The following SYN3 variants were observed in gnomAD, a reference collection of about 807,000 sequenced individuals.
The protein encoded by SYN3 is synapsin III, also known as synapsin-3.
A neutral mutation model predicts 65.8 loss-of-function variants in SYN3; 35 were observed. That is an observed-to-expected ratio of 0.53 (90% CI 0.41 to 0.70). The LOEUF is 0.70. SYN3 is among the 30% of genes least tolerant of loss of function. SYN3 has a pLI of 0.00. For missense variants in SYN3, 680 were observed against 749.0 expected, an observed-to-expected ratio of 0.91 and a Z score of 1.08; for synonymous variants, 270 against 292.9, an observed-to-expected ratio of 0.92 and a Z score of 0.80.
intron 6 of SYN3, among the ~76,000 whole-genome samples, chr22:32,835,542 G>A (rs991837407): frequency 2.0e-5 from 3 of 152,162 alleles, no homozygotes; most frequent in African/African-American, 7.2e-5. Flanking sequence ...ATGAGTGGCA[G>A]TTGATGGGTA....
At chr22:32,981,209 T>C (rs888607561) in intron 2 of SYN3, among the ~76,000 whole-genome samples, 1 of 151,710 alleles carries the variant, frequency 6.6e-6, no homozygotes, top group Non-Finnish European at 1.5e-5. Flanking sequence ...GTGGATAAGA[T>C]TGGAGGCTCA....
intron 1 of SYN3, among the ~76,000 whole-genome samples, chr22:33,036,369 AG>A (rs1035090625): frequency 9.9e-5 from 15 of 152,174 alleles, no homozygotes; most frequent in Non-Finnish European, 1.9e-4. Context: ...TTTGAGCTGA[AG>A]GCAGTTGAGA....
At chr22:33,053,180 T>C (rs959210664) in intron 1 of SYN3, among the ~76,000 whole-genome samples, 1 of 152,194 alleles carries the variant, frequency 6.6e-6, no homozygotes, top group Non-Finnish European at 1.5e-5. Flanking sequence ...CCCAACACTT[T>C]GGGAGGCCGA....
intron 10 of SYN3, among the ~76,000 whole-genome samples, chr22:32,529,597 C>G (rs775608807): frequency 6.6e-6 from 1 of 152,174 alleles, no homozygotes; most frequent in African/African-American, 2.4e-5. Context: ...CTGAGGGATC[C>G]GAGTTTCCCC....
chr22:32,576,327 C>T lies in SYN3; in HGVS notation c.774+20347G>A, dbSNP rs577229852. Among the ~76,000 whole-genome samples the T allele has an allele frequency of 1.5e-4, 23 of 152,288 alleles. No individual in the cohort carries two copies. The South Asian group carries it at 4.4e-3, about 29-fold the overall frequency. ...TGCACACCATAATGGATGTAATTCA[C>T]CATTCTTCCCACTGGCTTCGCTTGT... is the stretch of plus-strand genomic sequence containing the variant. On this transcript the variant is annotated intron_variant, in intron 7 of 13. Transcript: ENST00000358763.
chr22:32,590,308 T>C (rs909614332), intron 7 of SYN3, among the ~76,000 whole-genome samples: 1 of 152,240 alleles, frequency 6.6e-6, no homozygotes, highest in Admixed American at 6.5e-5. Context: ...AAATAGGCAA[T>C]CTTTTGTTTC....
chr22:32,973,700 G>A (rs2052093782), intron 3 of SYN3, among the ~76,000 whole-genome samples: 1 of 152,148 alleles, frequency 6.6e-6, no homozygotes, highest in South Asian at 2.1e-4. Context: ...CAGAAACCTG[G>A]GTTCAGATTC....
At chr22:32,637,938 A>G (rs981879764) in intron 6 of SYN3, among the ~76,000 whole-genome samples, 1 of 152,092 alleles carries the variant, frequency 6.6e-6, no homozygotes, top group Non-Finnish European at 1.5e-5. Context: ...CGCGCCCAGC[A>G]ACAGTTAGCT....
rs986246797 is a variant in SYN3, at chr22:32,511,628, A to G, written c.*2064T>C. ...GGTGGTGGGCTTTTTGGGCGCTAGA[A>G]AGAGTACCAGGCCTTCACCTCTTCA... On this transcript the variant is annotated 3_prime_UTR_variant, in exon 14 of 14. Transcript: ENST00000358763. 2.0e-5 allele frequency among the ~76,000 whole-genome samples: 3 copies of G among 152,196 alleles called. No individual in the cohort carries two copies. Among genetic ancestry groups the G allele is most frequent in the African/African-American group, 4.8e-5 (2 of 41,442 alleles).
At chr22:32,697,827 T>G (rs1186157163) in intron 6 of SYN3, among the ~76,000 whole-genome samples, 1 of 152,190 alleles carries the variant, frequency 6.6e-6, no homozygotes, top group Non-Finnish European at 1.5e-5. Context: ...GCCAGTGGGA[T>G]TTGAAGCAAA....
intron 6 of SYN3, among the ~76,000 whole-genome samples, chr22:32,822,911 C>T (rs1601454439): frequency 6.9e-6 from 1 of 145,590 alleles, no homozygotes; most frequent in Non-Finnish European, 1.5e-5. Context: ...TTGTTAAAAA[C>T]AACAACAACA....
At chr22:32,990,054 G>T (rs1289090314) in intron 2 of SYN3, among the ~76,000 whole-genome samples, 1 of 152,100 alleles carries the variant, frequency 6.6e-6, no homozygotes, top group Non-Finnish European at 1.5e-5. Context: ...CACAGGAAAG[G>T]TAATATACTA....
rs148132572 is a variant in SYN3, at chr22:33,035,532, T to G, written c.-163+22760A>C. Among the ~76,000 whole-genome samples, 29 of 152,246 alleles carry G rather than the reference T, an allele frequency of 1.9e-4. No individual in the cohort carries two copies. In the East Asian group the frequency reaches 3.9e-3, roughly 20 times the overall value. On this transcript the variant is annotated intron_variant, in intron 1 of 13. Transcript: ENST00000358763. Reference sequence around the variant, plus strand: ...AAAAGTGACCTTGGCTGCCCTCCCATAAACAAGGACGTGCCAAATGTAACT... The same window carrying G: ...AAAAGTGACCTTGGCTGCCCTCCCAGAAACAAGGACGTGCCAAATGTAACT...
At chr22:32,777,234 T>C (rs2045929054) in intron 6 of SYN3, among the ~76,000 whole-genome samples, 1 of 152,072 alleles carries the variant, frequency 6.6e-6, no homozygotes, top group African/African-American at 2.4e-5. Context: ...GAAAGCATCC[T>C]TCGTGTCCCA....
chr22:32,562,292 C>T (rs1334316727), intron 7 of SYN3, among the ~76,000 whole-genome samples: 2 of 152,262 alleles, frequency 1.3e-5, no homozygotes, highest in African/African-American at 4.8e-5. Context: ...TTCCCACCTT[C>T]ATTGCATGAC....
chr22:32,676,781 G>T (rs1331314451), intron 6 of SYN3, among the ~76,000 whole-genome samples: 1 of 150,478 alleles, frequency 6.6e-6, no homozygotes, highest in African/African-American at 2.5e-5. Context: ...TTGATCTTGT[G>T]ATCTGCCCAC....
At chr22:32,881,174 G>A (rs2049123686) in intron 4 of SYN3, among the ~76,000 whole-genome samples, 1 of 152,246 alleles carries the variant, frequency 6.6e-6, no homozygotes, top group Non-Finnish European at 1.5e-5. Flanking sequence ...GGGCCTCAGA[G>A]CAGCTGTTCC....
At chr22:33,038,993 T>C (rs1399720543) in intron 1 of SYN3, among the ~76,000 whole-genome samples, 8 of 152,198 alleles carry the variant, frequency 5.3e-5, no homozygotes, top group African/African-American at 1.9e-4. Context: ...CAGGAATTCC[T>C]GCTTCAAGTC....
chr22:32,539,985 G>A (rs977110129), intron 8 of SYN3, among the ~76,000 whole-genome samples: 3 of 152,166 alleles, frequency 2.0e-5, no homozygotes, highest in African/African-American at 7.2e-5. Flanking sequence ...GGTCTGGCTT[G>A]CCTCACAGGA....
Sources: gnomAD v4.1 joint callset for allele counts (sites outside exome capture counted in the v4.1 genomes callset) on GRCh38, gnomAD v4.1.1 for gene constraint, MANE v1.5 for transcripts, NCBI Gene and HGNC (gene_info 2026-07-23, HGNC 2026-07-21) for gene names.